The following HTRA4 variants were observed in gnomAD, a reference collection of about 807,000 sequenced individuals.
HTRA4 encodes the protein HtrA serine peptidase 4.
Under a neutral mutation model 49.1 loss-of-function variants are expected in HTRA4, and 46 were observed. The ratio of observed to expected loss-of-function variants is 0.94; its 90% confidence interval spans 0.74 to 1.20. The LOEUF is 1.20. Ranked by LOEUF, HTRA4 falls within the 50% of genes most tolerant of loss-of-function variation. The pLI, the probability that HTRA4 is intolerant of heterozygous loss-of-function variation, is 0.00. For missense variants in HTRA4, 602 were observed against 636.9 expected (o/e 0.95, Z 0.59); for synonymous variants, 261 against 264.0 (o/e 0.99, Z 0.11).
chr8:38,981,085 T>TTTTG (rs1482512200), intron 5 of HTRA4, among the ~76,000 whole-genome samples: 15 of 123,788 alleles, frequency 1.2e-4, no homozygotes, highest in African/African-American at 4.9e-4. Flanking sequence ...TTTTTTTTTT[T>TTTTG]TTTTTTTTTT....
chr8:38,988,026 T>C lies in HTRA4; in HGVS notation c.1359T>C (p.Asp453=). The part of the protein sequence containing the change: ...TTDVVKALDS[D]SLSMAVLRGK... ...ATGTTGTTAAAGCTCTTGACAGTGA[T>C]TCCCTTTCCATGGCTGTTCTTCGGG... Residue 453 remains aspartate, a synonymous_variant, in exon 9 of 9, where the codon GAT becomes GAC. Transcript: ENST00000302495. 1.2e-6 allele frequency: 2 copies of C among 1,613,036 alleles called. No homozygotes were observed. Among genetic ancestry groups the C allele is most frequent in the African/African-American group, 1.3e-5 (1 of 74,998 alleles).
chr8:38,985,279 G>C (rs1835470953), intron 8 of HTRA4, among the ~76,000 whole-genome samples: 1 of 150,660 alleles, frequency 6.6e-6, no homozygotes, highest in African/African-American at 2.4e-5. Context: ...TCCTGCCTCA[G>C]CCTCCCGAGG....
chr8:38,979,788 A>T (rs1367690471), intron 5 of HTRA4, among the ~76,000 whole-genome samples: 5 of 152,020 alleles, frequency 3.3e-5, no homozygotes, highest in Non-Finnish European at 5.9e-5. Context: ...AAGTGTTAGG[A>T]TTACAGGCAT....
chr8:38,974,588 C>T lies in HTRA4; in HGVS notation c.325C>T (p.Pro109Ser). The change falls in exon 1 of 9, where the codon CCG becomes TCG. Residue 109 changes from proline to serine, a missense_variant. Pro to Ser is a moderately conservative substitution (Grantham distance 74, BLOSUM62 -1). Transcript: ENST00000302495. ...RPGFPSTCGC[P>S]TLGGAVCGSD... ...CGGGTTCCCCAGCACCTGCGGTTGC[C>T]CGACGCTGGGAGGGGCCGTGTGCGG... The T allele has an allele frequency of 7.0e-7, 1 of 1,425,424 alleles. No individual in the cohort carries two copies. Among genetic ancestry groups the T allele is most frequent in the Non-Finnish European group, 9.1e-7 (1 of 1,095,398 alleles). The allele number at this position is 1,425,424 out of a possible 1,614,324, so 88.3% of individuals were successfully genotyped here. A position where few individuals can be genotyped will look rare whatever the true frequency, so the allele number is the denominator to read the frequency against.
chr8:38,979,656 T>C (rs1360823916), intron 5 of HTRA4, among the ~76,000 whole-genome samples: 1 of 152,206 alleles, frequency 6.6e-6, no homozygotes, highest in Non-Finnish European at 1.5e-5. Context: ...CATTGGCTAG[T>C]TACCCAAAGC....
In HTRA4 at chr8:38,981,671, G is replaced by A. The variant is rs775981265; in HGVS notation, c.1018G>A (p.Val340Ile). 1 of 1,613,280 alleles carries A rather than the reference G, an allele frequency of 6.2e-7. No homozygotes were observed. The highest frequency in any genetic ancestry group is 8.5e-7 in the Non-Finnish European group (1 of 1,179,766). Residue 340 changes from valine (V) to isoleucine (I), a missense_variant, in exon 6 of 9, where the codon GTC becomes ATC. By Grantham distance (29) the Val-to-Ile change is conservative. Coordinates refer to ENST00000302495, the MANE Select transcript of HTRA4 (RefSeq NM_153692.4). ...TTGCCAGGATGGTGATGTGATTGGC[G>A]TCAATTCATTGAGGGTGACTGATGG... is the stretch of plus-strand genomic sequence containing the variant. ...LVNLDGDVIG[V>I]NSLRVTDGIS...
In HTRA4 at chr8:38,976,693, A is replaced by G; in HGVS notation, c.725A>G (p.Asp242Gly). 1 of 1,614,154 alleles carries G rather than the reference A, an allele frequency of 6.2e-7. No individual in the cohort carries two copies. Among genetic ancestry groups the G allele is most frequent in the Non-Finnish European group, 8.5e-7 (1 of 1,180,040 alleles). ...GCCCGTTATGAAGCTGTTGTCAAGGATATTGACCTTAAATTGGATCTTGCG... is the reference window on the plus strand; with the variant it reads ...GCCCGTTATGAAGCTGTTGTCAAGGGTATTGACCTTAAATTGGATCTTGCG... ...NGARYEAVVKDIDLKLDLAVI... is the reference protein window; with the variant it reads ...NGARYEAVVKGIDLKLDLAVI... The change falls in exon 3 of 9, where the codon GAT (aspartate) becomes GGT (glycine). Residue 242 changes from aspartate to glycine, a missense_variant. Asp to Gly is a moderately conservative substitution (Grantham distance 94). Coordinates refer to ENST00000302495, the MANE Select transcript of HTRA4 (RefSeq NM_153692.4).
chr8:38,975,119 G>C lies in HTRA4; in HGVS notation c.555G>C (p.Gln185His). ...TGGCGCCATCGGTGGTTCACGTGCA[G>C]CTGTGGGGCAGGTAAAGGAGGAGGA... ...EKVAPSVVHV[Q>H]LWGRLLHGSR... The change falls in exon 2 of 9, where the codon CAG (glutamine) becomes CAC (histidine). Residue 185 changes from glutamine (Q) to histidine (H), a missense_variant. Transcript: ENST00000302495. 1 of 1,613,680 alleles carries C rather than the reference G, an allele frequency of 6.2e-7. No individual in the cohort carries two copies. The highest frequency in any genetic ancestry group is 8.5e-7 in the Non-Finnish European group (1 of 1,180,004).
intron 3 of HTRA4, among the ~76,000 whole-genome samples, 153 bp from the exon 4 acceptor site, chr8:38,977,800 T>C (rs1379130694): frequency 6.6e-6 from 1 of 152,198 alleles, no homozygotes; most frequent in African/African-American, 2.4e-5. Context: ...AAGGCAATCA[T>C]AGAAGCTGTG....
intron 3 of HTRA4, among the ~76,000 whole-genome samples, chr8:38,977,590 G>C (rs1835369031): frequency 6.6e-6 from 1 of 152,146 alleles, no homozygotes; most frequent in Admixed American, 6.5e-5. Flanking sequence ...TCTGTTTGTG[G>C]CTTATTCACT....
Position 38,982,503 on chromosome 8 carries a change from G to A in HTRA4, c.1120G>A (p.Ala374Thr). 1 of 1,613,948 alleles carries A rather than the reference G, an allele frequency of 6.2e-7. No individual in the cohort carries two copies. The highest frequency in any genetic ancestry group is 8.5e-7 in the Non-Finnish European group (1 of 1,179,834). Reference sequence around the variant, plus strand: ...ATCATAACTTTCCTTTCCAGGAAAGGCGTTTTCAAATAAGAAATATCTGGG... The same window carrying A: ...ATCATAACTTTCCTTTCCAGGAAAGACGTTTTCAAATAAGAAATATCTGGG... Reference protein sequence around the residue: ...EYHEHQMKGKAFSNKKYLGLQ... With the variant: ...EYHEHQMKGKTFSNKKYLGLQ... Residue 374 changes from alanine (A) to threonine (T), a missense_variant, in exon 7 of 9, where the codon GCG (alanine) becomes ACG (threonine). Coordinates refer to ENST00000302495, the MANE Select transcript of HTRA4 (RefSeq NM_153692.4).
chr8:38,976,890 T>C, intron 3 of HTRA4, 151 bp downstream of exon 3: 1 of 760,790 alleles, frequency 1.3e-6, no homozygotes, highest in East Asian at 2.7e-5. Flanking sequence ...CTCCCTCTTT[T>C]ATTTATTTGC....
At position 38,974,600 on chromosome 8, in the gene HTRA4, G is replaced by A; in HGVS notation, c.337G>A (p.Gly113Arg). 1 of 1,427,092 alleles carries A rather than the reference G, an allele frequency of 7.0e-7. No individual in the cohort carries two copies. Among genetic ancestry groups the A allele is most frequent in the Admixed American group, 2.9e-5 (1 of 33,978 alleles). The allele number at this position is 1,427,092 out of a possible 1,614,324, so 88.4% of individuals were successfully genotyped here. A position where few individuals can be genotyped will look rare whatever the true frequency, so the allele number is the denominator to read the frequency against. The change falls in exon 1 of 9, where the codon GGG (glycine) becomes AGG (arginine). Residue 113 changes from glycine to arginine, a missense_variant. Gly to Arg is a moderately radical substitution (Grantham distance 125). Transcript: ENST00000302495. ...PSTCGCPTLG[G>R]AVCGSDRRTY... ...CACCTGCGGTTGCCCGACGCTGGGA[G>A]GGGCCGTGTGCGGCAGCGACAGGCG...
At chr8:38,975,613 T>C (rs1835340998) in intron 2 of HTRA4, among the ~76,000 whole-genome samples, 1 of 151,802 alleles carries the variant, frequency 6.6e-6, no homozygotes, top group Non-Finnish European at 1.5e-5. Flanking sequence ...TCTTGTTATA[T>C]TGCTCAGGCT....
intron 4 of HTRA4, 74 bp downstream of exon 4, chr8:38,978,221 G>A: frequency 3.8e-6 from 5 of 1,303,334 alleles, no homozygotes; most frequent in Non-Finnish European, 4.2e-6. Flanking sequence ...GTTAGGAACT[G>A]GGCCGCACAG....
In HTRA4 at chr8:38,976,651, T is replaced by C; in HGVS notation, c.683T>C (p.Val228Ala). The change falls in exon 3 of 9, where the codon GTG (valine) becomes GCG (alanine). Residue 228 changes from valine (V) to alanine (A), a missense_variant. Physicochemically the swap from Val to Ala is moderately conservative, Grantham distance 64 (BLOSUM62 0). Transcript: ENST00000302495. Reference protein sequence around the residue: ...HVVRNQQWIEVVLQNGARYEA... With the variant: ...HVVRNQQWIEAVLQNGARYEA... ...GTCAGGAACCAGCAGTGGATTGAGG[T>C]GGTGCTCCAGAATGGGGCCCGTTAT... 1 of 1,614,200 alleles carries C rather than the reference T, an allele frequency of 6.2e-7. No individual in the cohort carries two copies. Among genetic ancestry groups the C allele is most frequent in the Non-Finnish European group, 8.5e-7 (1 of 1,180,030 alleles).
chr8:38,975,187 C>T, intron 2 of HTRA4, 57 bp downstream of exon 2: 1 of 1,535,122 alleles, frequency 6.5e-7, no homozygotes, highest in Non-Finnish European at 9.0e-7. Context: ...TGCGTGCCTA[C>T]CTGCTCCAGA....
In HTRA4 at chr8:38,981,782, G is replaced by A; in HGVS notation, c.1114+15G>A. The A allele has an allele frequency of 6.4e-7, 1 of 1,562,064 alleles. No homozygotes were observed. Among genetic ancestry groups the A allele is most frequent in the South Asian group, 1.1e-5 (1 of 87,664 alleles). ...CCAGATGAAAGGTAAAGCAAGTTGGGATTTTTTTTTTTTTGGTTTCGTCTT... is the reference window on the plus strand; with the variant it reads ...CCAGATGAAAGGTAAAGCAAGTTGGAATTTTTTTTTTTTTGGTTTCGTCTT... On this transcript the variant is annotated intron_variant, in intron 6 of 8. Coordinates refer to ENST00000302495, the MANE Select transcript of HTRA4 (RefSeq NM_153692.4).
At chr8:38,981,884 G>C (rs1465760254) in intron 6 of HTRA4, 117 bp downstream of exon 6, 2 of 720,154 alleles carry the variant, frequency 2.8e-6, no homozygotes, top group Non-Finnish European at 4.7e-6. Flanking sequence ...AATTTTGCTC[G>C]TCATCCAGGT....
Sources: gnomAD v4.1 joint callset for allele counts (sites outside exome capture counted in the v4.1 genomes callset) on GRCh38, gnomAD v4.1.1 for gene constraint, MANE v1.5 for transcripts, NCBI Gene and HGNC (gene_info 2026-07-23, HGNC 2026-07-21) for gene names.